Variants in MRPL46 observed in about 807,000 individuals in gnomAD.
MRPL46 encodes the protein mitochondrial ribosomal protein L46, also known as large ribosomal subunit protein mL46.
In MRPL46, 26 loss-of-function variants were observed where a neutral mutation model predicts 31.0. The ratio of observed to expected loss-of-function variants is 0.84; its 90% CI spans 0.61 to 1.16. The LOEUF (loss-of-function observed/expected upper bound fraction) is 1.16, where lower values mean the gene tolerates loss of function less well. MRPL46 is among the 50% of genes most tolerant of loss of function. The pLI, the probability that MRPL46 is intolerant of heterozygous loss-of-function variation, is 0.00. For synonymous variants in MRPL46, 159 were observed against 141.3 expected, an observed-to-expected ratio of 1.13 and a Z score of -0.89; for missense variants, 395 against 340.0, an observed-to-expected ratio of 1.16 and a Z score of -1.27.
chr15:88,461,252 G>C (rs533797220), intron 3 of MRPL46: 1 of 152,190 alleles, frequency 6.6e-6, no homozygotes, highest in African/African-American at 2.4e-5. Context: ...TTTTCAACAC[G>C]TTCAACAAAG....
chr15:88,459,799 G>C lies in MRPL46; in HGVS notation c.654C>G (p.Pro218=), dbSNP rs1164434148. 36 of 1,614,090 alleles carry C rather than the reference G, an allele frequency of 2.2e-5. No individual in the cohort carries two copies. The Admixed American group carries it at 4.8e-4, about 22-fold the overall frequency. ...GGTTACTCTCTGTCCGCATTGCCTG[G>C]GGGAACTTGAATGTGTAGTGCCCAC... ...APCGHYTFKF[P]QAMRTESNLG... Residue 218 remains proline, a synonymous_variant, in exon 4 of 4, where the codon CCC becomes CCG. Coordinates refer to ENST00000312475, the MANE Select transcript of MRPL46 (RefSeq NM_022163.4).
chr15:88,463,125 AGAAAGCAGCAACCTCCTCTCCTACC>A lies in MRPL46; in HGVS notation c.589+1553_589+1577del, dbSNP rs1267584924. ...TCCTATGTGATGGCTGAGGAGACTG[AGAAAGCAGCAACCTCCTCTCCTACC>A]ATATTCCATTCTGTCTTGATGTCTC... is the stretch of plus-strand genomic sequence containing the variant. On this transcript the variant is annotated intron_variant, in intron 3 of 3. Transcript: ENST00000312475. The surrounding 1 kb of genome is among the most constrained non-coding windows in gnomAD (Gnocchi z 5.4). 2.0e-5 allele frequency: 3 copies of A among 152,246 alleles called. No homozygotes were observed. Among genetic ancestry groups the A allele is most frequent in the African/African-American group, 7.2e-5 (3 of 41,462 alleles). The allele number at this position is 152,246 out of a possible 1,614,324, so 9.4% of individuals were successfully genotyped here.
At chr15:88,462,062 A>C (rs2055482089) in intron 3 of MRPL46, 1 of 152,222 alleles carries the variant, frequency 6.6e-6, no homozygotes, top group Non-Finnish European at 1.5e-5. Context: ...CTATTAATAG[A>C]GGTTGCTTCT....
rs771850270 is a variant in MRPL46, at chr15:88,459,578, C to A, written c.*35G>T. ...ATGTCCTTGAGGCTCTAATCCCAGA[C>A]TTGTCTGAGCACCGTCCACAGGCAG... On this transcript the variant is annotated 3_prime_UTR_variant, in exon 4 of 4. Coordinates refer to ENST00000312475, the MANE Select transcript of MRPL46 (RefSeq NM_022163.4). 2.5e-6 allele frequency: 4 copies of A among 1,611,884 alleles called. No homozygotes were observed. The highest frequency in any genetic ancestry group is 1.7e-6 in the Non-Finnish European group (2 of 1,179,274).
At chr15:88,464,644 A>AAAAAAT in intron 3 of MRPL46, 59 bp downstream of exon 3, 1 of 1,564,576 alleles carries the variant, frequency 6.4e-7, no homozygotes. Flanking sequence ...CAGCCTAAAA[A>AAAAAAT]TCCTCTGGCT....
chr15:88,461,409 A>G (rs78696119), intron 3 of MRPL46: 1 of 151,976 alleles, frequency 6.6e-6, no homozygotes, highest in Non-Finnish European at 1.5e-5. Context: ...ATCAATGAGG[A>G]AAAAAAACAA....
At chr15:88,467,078 C>A in intron 1 of MRPL46, 72 bp downstream of exon 1, 1 of 1,533,936 alleles carries the variant, frequency 6.5e-7, no homozygotes, top group South Asian at 1.2e-5. Context: ...TACTTAAGTT[C>A]AGAGAGGTGA....
chr15:88,467,143 G>A lies in MRPL46; in HGVS notation c.228+7C>T, dbSNP rs1308676021. 6.2e-7 allele frequency: 1 copy of A among 1,612,828 alleles called. No homozygotes were observed. Among genetic ancestry groups the A allele is most frequent in the Admixed American group, 1.7e-5 (1 of 59,988 alleles). On this transcript the variant is annotated splice_region_variant and intron_variant, in intron 1 of 3. Transcript: ENST00000312475. ...ACGTCACTCTGAACCCTGCATCTCA[G>A]TCCCACCTGCTGCAGTAGAGACGCC... is the stretch of plus-strand genomic sequence containing the variant.
intron 1 of MRPL46, 135 bp downstream of exon 1, chr15:88,467,015 A>G: frequency 2.0e-6 from 2 of 986,022 alleles, no homozygotes; most frequent in South Asian, 1.7e-5. Context: ...TTGAACATCT[A>G]TGTACCAAAC....
At chr15:88,460,062 G>T (rs2055463423) in intron 3 of MRPL46, 199 bp from the exon 4 acceptor site, 1 of 625,760 alleles carries the variant, frequency 1.6e-6, no homozygotes, top group Non-Finnish European at 2.7e-6. Context: ...ATGGAGTCCA[G>T]ATTCACCAGG....
At position 88,464,720 on chromosome 15, in the gene MRPL46, G is replaced by T; in HGVS notation, c.572C>A (p.Thr191Asn). The T allele has an allele frequency of 1.2e-6, 2 of 1,613,860 alleles. No homozygotes were observed. The highest frequency in any genetic ancestry group is 1.7e-6 in the Non-Finnish European group (2 of 1,179,956). The change falls in exon 3 of 4, where the codon ACC becomes AAC. Residue 191 changes from threonine (T) to asparagine (N), a missense_variant. By Grantham distance (65) the Thr-to-Asn change is moderately conservative. Coordinates refer to ENST00000312475, the MANE Select transcript of MRPL46 (RefSeq NM_022163.4). ...GETLRGTAER[T>N]LATLSENNME... The stretch of plus-strand genomic sequence containing the variant: ...AAACCCACCTGAGAGTGTGGCCAGG[G>T]TTCGTTCAGCTGTTCCTCGAAGGGT...
chr15:88,464,610 C>A lies in MRPL46; in HGVS notation c.589+93G>T, dbSNP rs1022392214. On this transcript the variant is annotated intron_variant, in intron 3 of 3. Transcript: ENST00000312475. ...AAAATTTCCATTAACCTTCCCACCC[C>A]CACCCTTAATCCAATTCCCCAGTCA... 4 of 1,095,234 alleles carry A rather than the reference C, an allele frequency of 3.7e-6. No homozygotes were observed. In the East Asian group the frequency reaches 1.5e-4, roughly 40 times the overall value. 67.8% of individuals were successfully genotyped at this position (1,095,234 alleles called of 1,614,324 possible). A position where few individuals can be genotyped will look rare whatever the true frequency, so the allele number is the denominator to read the frequency against.
intron 1 of MRPL46, among the ~76,000 whole-genome samples, chr15:88,466,439 CTG>C (rs1488834469): frequency 2.0e-5 from 3 of 152,228 alleles, no homozygotes; most frequent in African/African-American, 7.2e-5. Flanking sequence ...CTGAAGTACT[CTG>C]AGAACCAGAG....
At chr15:88,459,998 G>C (rs1355480935) in intron 3 of MRPL46, 135 bp from the exon 4 acceptor site, 7 of 1,123,186 alleles carry the variant, frequency 6.2e-6, no homozygotes, top group South Asian at 4.9e-5. Flanking sequence ...AATAGGACTA[G>C]AGCCATTCCT....
At position 88,459,513 on chromosome 15, in the gene MRPL46, T is replaced by C; in HGVS notation, c.*100A>G. 6.5e-7 allele frequency: 1 copy of C among 1,528,810 alleles called. No individual in the cohort carries two copies. Among genetic ancestry groups the C allele is most frequent in the Non-Finnish European group, 8.9e-7 (1 of 1,126,204 alleles). The allele number at this position is 1,528,810 out of a possible 1,614,324, so 94.7% of individuals were successfully genotyped here. A position where few individuals can be genotyped will look rare whatever the true frequency, so the allele number is the denominator to read the frequency against. On this transcript the variant is annotated 3_prime_UTR_variant, in exon 4 of 4. Transcript: ENST00000312475. ...CTCGTTTATTTCTCAGAATTTAGTTTGCTGCTTGATATTACCTGCAAATGT... is the reference window on the plus strand; with the variant it reads ...CTCGTTTATTTCTCAGAATTTAGTTCGCTGCTTGATATTACCTGCAAATGT...
rs764417824 is a variant in MRPL46 at position 88,464,730 on chromosome 15, C to T, written c.562G>A (p.Ala188Thr). ...GAGAGTGTGGCCAGGGTTCGTTCAG[C>T]TGTTCCTCGAAGGGTCTCCCCAGGC... ...WQPGETLRGT[A>T]ERTLATLSEN... is the part of the protein sequence containing the mutation. Residue 188 changes from alanine to threonine, a missense_variant, in exon 3 of 4, where the codon GCT becomes ACT. Ala to Thr is a moderately conservative substitution (Grantham distance 58). Transcript: ENST00000312475. 1.9e-6 allele frequency: 3 copies of T among 1,613,850 alleles called. No homozygotes were observed. Among genetic ancestry groups the T allele is most frequent in the Admixed American group, 1.7e-5 (1 of 59,984 alleles).
intron 2 of MRPL46, chr15:88,465,221 A>T (rs866405894): frequency 2.4e-6 from 1 of 414,166 alleles, no homozygotes; most frequent in Non-Finnish European, 4.2e-6. Flanking sequence ...TCTGTTCTTC[A>T]GTCTTCATCT....
chr15:88,464,292 C>T (rs563330936), intron 3 of MRPL46: 2 of 166,210 alleles, frequency 1.2e-5, no homozygotes, highest in East Asian at 3.8e-4. Context: ...AAAGAGGGGA[C>T]TATTTAGAAC....
chr15:88,467,165 C>A lies in MRPL46; in HGVS notation c.213G>T (p.Ala71=), dbSNP rs1420323120. 3 of 1,613,884 alleles carry A rather than the reference C, an allele frequency of 1.9e-6. No homozygotes were observed. The highest frequency in any genetic ancestry group is 2.5e-6 in the Non-Finnish European group (3 of 1,179,902). ...KPLTPLQEEM[A]SLLQQIEIER... ...TCAGTCCCACCTGCTGCAGTAGAGACGCCATCTCTTCCTGCAATGGGGTCA... is the reference window on the plus strand; with the variant it reads ...TCAGTCCCACCTGCTGCAGTAGAGAAGCCATCTCTTCCTGCAATGGGGTCA... Residue 71 remains alanine, a synonymous_variant, in exon 1 of 4, where the codon GCG becomes GCT. Coordinates refer to ENST00000312475, the MANE Select transcript of MRPL46 (RefSeq NM_022163.4).
Sources: allele counts gnomAD v4.1 joint callset (sites outside exome capture counted in the v4.1 genomes callset), GRCh38; gene constraint gnomAD v4.1.1; non-coding constraint Gnocchi (gnomAD v3.1); transcripts MANE v1.5; gene names NCBI Gene and HGNC (gene_info 2026-07-23, HGNC 2026-07-21).